The following TESC variants were observed in gnomAD, a reference collection of about 807,000 sequenced individuals.
TESC encodes the protein calcineurin B homologous protein 3.
In TESC, 19 loss-of-function variants were observed where a neutral mutation model predicts 31.0. The ratio of observed to expected loss-of-function variants is 0.61; its 90% CI spans 0.43 to 0.90. TESC has a LOEUF of 0.90. Among genes scored for constraint, TESC ranks in the 40% least tolerant of loss-of-function variants. The probability of loss-of-function intolerance (pLI) is 0.00; values close to 1 mark genes in which losing one functional copy is unlikely to be tolerated. For synonymous variants in TESC, 109 were observed against 114.8 expected (o/e 0.95, Z 0.32); for missense variants, 248 against 303.8 (o/e 0.82, Z 1.36).
chr12:117,051,358 G>T (rs1223471821), intron 3 of TESC, among the ~76,000 whole-genome samples: 6 of 152,124 alleles, frequency 3.9e-5, no homozygotes, highest in Non-Finnish European at 5.9e-5. Context: ...GGAGAGGTGG[G>T]GTCCCAAGTC....
At chr12:117,046,732 G>A (rs755760917) in intron 5 of TESC, 45 bp downstream of exon 5, 2 of 1,553,978 alleles carry the variant, frequency 1.3e-6, no homozygotes, top group East Asian at 4.8e-5. Context: ...GGGCAGAGGG[G>A]GAAGGCACCA....
At chr12:117,087,653 T>A (rs923079868) in intron 1 of TESC, among the ~76,000 whole-genome samples, 2 of 152,232 alleles carry the variant, frequency 1.3e-5, no homozygotes, top group East Asian at 3.9e-4. Flanking sequence ...CTCTGTTCTT[T>A]ACCATGCGCC....
intron 1 of TESC, among the ~76,000 whole-genome samples, chr12:117,094,533 C>G (rs556144469): frequency 1.3e-5 from 2 of 152,254 alleles, no homozygotes; most frequent in Non-Finnish European, 1.5e-5. Context: ...CTAGGGAGCT[C>G]CAAGTTTCGA....
intron 1 of TESC, among the ~76,000 whole-genome samples, chr12:117,086,077 C>T (rs1955216050): frequency 6.6e-6 from 1 of 151,366 alleles, no homozygotes; most frequent in Non-Finnish European, 1.5e-5. Flanking sequence ...CATGAAATGC[C>T]CCAGACAGGC....
At chr12:117,098,140 C>A (rs1419438669) in intron 1 of TESC, among the ~76,000 whole-genome samples, 4 of 152,216 alleles carry the variant, frequency 2.6e-5, no homozygotes, top group African/African-American at 9.7e-5. Flanking sequence ...CTGGGCCACC[C>A]TCTCTTGGTG....
At chr12:117,046,879 C>A in intron 4 of TESC, 41 bp from the exon 5 acceptor site, 1 of 1,543,604 alleles carries the variant, frequency 6.5e-7, no homozygotes, top group East Asian at 2.4e-5. Context: ...TCAGGCGGGG[C>A]CTGGCCCCTG....
chr12:117,053,073 G>A (rs1006900949), intron 3 of TESC, among the ~76,000 whole-genome samples: 1 of 152,144 alleles, frequency 6.6e-6, no homozygotes, highest in Non-Finnish European at 1.5e-5. Flanking sequence ...CCACAGGCCC[G>A]TCGCGCCTGG....
chr12:117,084,128 A>G (rs1423893329), intron 1 of TESC: 1 of 151,578 alleles, frequency 6.6e-6, no homozygotes, highest in Non-Finnish European at 1.5e-5. Flanking sequence ...GACAGTGGTG[A>G]TGTTTGTATA....
chr12:117,081,309 G>T (rs1444193581), intron 1 of TESC, among the ~76,000 whole-genome samples: 2 of 152,080 alleles, frequency 1.3e-5, no homozygotes, highest in African/African-American at 4.8e-5. Context: ...TGGTAAAAAT[G>T]ATCATTTTTA....
intron 3 of TESC, among the ~76,000 whole-genome samples, chr12:117,051,709 G>A (rs760131227): frequency 1.3e-5 from 2 of 152,106 alleles, no homozygotes; most frequent in African/African-American, 4.8e-5. Context: ...TAGACCCCTG[G>A]GGAAGGCAGG....
intron 2 of TESC, among the ~76,000 whole-genome samples, chr12:117,059,049 G>T (rs1045899874): frequency 1.3e-5 from 2 of 152,196 alleles, no homozygotes; most frequent in Non-Finnish European, 2.9e-5. Flanking sequence ...AAGGTGTCAG[G>T]CCCAGGTAGG....
chr12:117,080,106 T>A (rs1483422039), intron 1 of TESC, among the ~76,000 whole-genome samples: 1 of 152,116 alleles, frequency 6.6e-6, no homozygotes, highest in Non-Finnish European at 1.5e-5. Context: ...GTCCCACAGC[T>A]AGGAAGAGGT....
At chr12:117,052,268 C>A (rs1954658700) in intron 3 of TESC, among the ~76,000 whole-genome samples, 1 of 152,168 alleles carries the variant, frequency 6.6e-6, no homozygotes, top group African/African-American at 2.4e-5. Flanking sequence ...GCTCAAAATA[C>A]CCCTTCCCCA....
chr12:117,055,752 C>T (rs1343104186), intron 3 of TESC, among the ~76,000 whole-genome samples: 2 of 152,232 alleles, frequency 1.3e-5, no homozygotes, highest in East Asian at 3.9e-4. Context: ...AATCCGGAAA[C>T]AGAGCCTACC....
chr12:117,078,151 C>A (rs1376593081), intron 1 of TESC, among the ~76,000 whole-genome samples: 1 of 152,072 alleles, frequency 6.6e-6, no homozygotes, highest in Non-Finnish European at 1.5e-5. Flanking sequence ...GCTTAAAATT[C>A]GACTTGCCCT....
intron 1 of TESC, among the ~76,000 whole-genome samples, chr12:117,094,215 G>A (rs1955361023): frequency 6.6e-6 from 1 of 152,196 alleles, no homozygotes; most frequent in African/African-American, 2.4e-5. Flanking sequence ...CTCGTTTCCG[G>A]TTTAAATCAA....
chr12:117,088,680 C>CAA (rs60089641), intron 1 of TESC, among the ~76,000 whole-genome samples: 6,491 of 120,788 alleles, frequency 0.054, 527 homozygotes, highest in African/African-American at 0.17. Flanking sequence ...GACTCTGTCT[C>CAA]AAAAAAAAAA....
chr12:117,055,144 C>T (rs1212790000), intron 3 of TESC, among the ~76,000 whole-genome samples: 2 of 152,130 alleles, frequency 1.3e-5, no homozygotes, highest in African/African-American at 4.8e-5. Flanking sequence ...TGATTATCTC[C>T]ACTTTATTTT....
chr12:117,041,380 T>G (rs537334675), intron 7 of TESC, among the ~76,000 whole-genome samples: 18 of 151,954 alleles, frequency 1.2e-4, no homozygotes, highest in African/African-American at 3.9e-4. Flanking sequence ...TCACCCAGGA[T>G]GGAGTACAGT....
Sources: gnomAD v4.1 joint callset for allele counts (sites outside exome capture counted in the v4.1 genomes callset) on GRCh38, gnomAD v4.1.1 for gene constraint, MANE v1.5 for transcripts, NCBI Gene and HGNC (gene_info 2026-07-23, HGNC 2026-07-21) for gene names.